Variants in HEATR4 observed in about 807,000 individuals in gnomAD.
The protein encoded by HEATR4 is HEAT repeat-containing protein 4.
HEATR4 carries 95 observed loss-of-function variants against 108.8 expected under a neutral mutation model. The ratio of observed to expected loss-of-function variants is 0.87; its 90% confidence interval spans 0.74 to 1.04. HEATR4 has a LOEUF of 1.04. Among genes scored for constraint, HEATR4 ranks in the 50% least tolerant of loss-of-function variants. The pLI is 0.00. For synonymous variants in HEATR4, 443 were observed against 459.4 expected (o/e 0.96, Z 0.46); for missense variants, 1,152 against 1,253.8 (o/e 0.92, Z 1.23).
chr14:73,509,810 CCATATATATATATA>C (rs71112761), intron 7 of HEATR4, among the ~76,000 whole-genome samples: 892 of 63,142 alleles, frequency 0.014, 129 homozygotes, highest in East Asian at 0.026. Flanking sequence ...CCCCATGAGC[CCATATATATATATA>C]TATATATATA....
At chr14:73,580,783 A>C in the HEATR4 span, 1 of 152,062 alleles carries the variant, frequency 6.6e-6, no homozygotes, top group Non-Finnish European at 1.5e-5. Flanking sequence ...TGCATAAGGC[A>C]CAGAAGCACA....
chr14:73,595,146 C>T, the HEATR4 span: 1 of 1,614,202 alleles, frequency 6.2e-7, no homozygotes, highest in South Asian at 1.1e-5. Context: ...GCCACAGTTT[C>T]CATCAATGGA....
rs1021362063 is a variant in HEATR4, at chr14:73,495,447, T to A, written c.2626-60A>T. On this transcript the variant is annotated intron_variant, in intron 15 of 17. Transcript: ENST00000553558. Reference sequence around the variant, plus strand: ...CAAAACACCTGTACTAGGCAGCAAATTATCAAAAAACATTAATAAAGTGAT... The same window carrying A: ...CAAAACACCTGTACTAGGCAGCAAAATATCAAAAAACATTAATAAAGTGAT... 4.3e-6 allele frequency: 6 copies of A among 1,397,052 alleles called. No individual in the cohort carries two copies. In the African/African-American group the frequency reaches 4.3e-5, roughly 10 times the overall value. The allele number at this position is 1,397,052 out of a possible 1,614,324, so 86.5% of individuals were successfully genotyped here. A position where few individuals can be genotyped will look rare whatever the true frequency, so the allele number is the denominator to read the frequency against.
rs180891657 is a variant in HEATR4, at chr14:73,510,448, T to G, written c.1559-975A>C. Among the ~76,000 whole-genome samples, 296 of 141,086 alleles carry G rather than the reference T, an allele frequency of 2.1e-3. 1 individual carries two copies. The highest frequency in any genetic ancestry group is 3.9e-3 in the Non-Finnish European group (237 of 60,158). The allele number at this position is 141,086 out of a possible 152,430, so 92.6% of individuals were successfully genotyped here. A position where few individuals can be genotyped will look rare whatever the true frequency, so the allele number is the denominator to read the frequency against. On this transcript the variant is annotated intron_variant, in intron 7 of 17. Transcript: ENST00000553558. The stretch of plus-strand genomic sequence containing the variant: ...TTTTTTTGTTTTTGTTTTTGTTTTT[T>G]TTTTGAGATAGAGTTTTTGCTCTGT...
chr14:73,520,564 G>C (rs1380556430), intron 4 of HEATR4: 1 of 305,586 alleles, frequency 3.3e-6, no homozygotes, highest in Non-Finnish European at 6.0e-6. Flanking sequence ...ATAGAGAAGA[G>C]ATGGATTGTT....
the HEATR4 span, chr14:73,582,540 T>C: frequency 6.6e-6 from 1 of 151,652 alleles, no homozygotes; most frequent in Non-Finnish European, 1.5e-5. Context: ...CATTAGGGAA[T>C]TTCCCCCATA....
chr14:73,575,582 G>A, the HEATR4 span: 2 of 1,555,634 alleles, frequency 1.3e-6, no homozygotes, highest in Non-Finnish European at 1.7e-6. Context: ...TTTAGTGTGT[G>A]TATGTGTATT....
chr14:73,487,690 G>A (rs1885504602), intron 17 of HEATR4, among the ~76,000 whole-genome samples: 1 of 152,184 alleles, frequency 6.6e-6, no homozygotes, highest in Non-Finnish European at 1.5e-5. Flanking sequence ...TCTTTTCCTT[G>A]AATTTTAGGA....
At chr14:73,589,529 G>C in the HEATR4 span, among the ~76,000 whole-genome samples, 3 of 152,128 alleles carry the variant, frequency 2.0e-5, no homozygotes, top group East Asian at 5.8e-4. Context: ...ATGTTGGACA[G>C]GCTCGTCTAG....
chr14:73,569,165 C>G, the HEATR4 span: 3 of 1,552,344 alleles, frequency 1.9e-6, no homozygotes, highest in East Asian at 4.5e-5. Flanking sequence ...ATCGGCTGGA[C>G]TCTGGCCTTC....
chr14:73,542,403 C>CTTTCT lies in HEATR4; in HGVS notation c.-151-12160_-151-12159insAGAAA, dbSNP rs1465680736. On this transcript the variant is annotated intron_variant, in intron 1 of 17. Transcript: ENST00000553558. ...TTAAATTCCAGTATGTTTTTTCTTT[C>CTTTCT]TTTTTTTTTTTTTTTTTTTAAGACG... Among the ~76,000 whole-genome samples the CTTTCT allele has an allele frequency of 4.8e-5, 4 of 83,492 alleles. 1 individual carries two copies. The highest frequency in any genetic ancestry group is 1.6e-4 in the African/African-American group (4 of 24,598). The allele number at this position is 83,492 out of a possible 152,430, so 54.8% of individuals were successfully genotyped here. A position where few individuals can be genotyped will look rare whatever the true frequency, so the allele number is the denominator to read the frequency against.
chr14:73,570,283 G>T, the HEATR4 span, among the ~76,000 whole-genome samples: 2 of 151,716 alleles, frequency 1.3e-5, no homozygotes, highest in African/African-American at 2.4e-5. Context: ...AAAAGACATT[G>T]TAAGGGCCAG....
chr14:73,596,501 G>GA, the HEATR4 span: 11 of 150,010 alleles, frequency 7.3e-5, no homozygotes, highest in East Asian at 3.9e-4. Context: ...CGTTTCAAAA[G>GA]AAAAAAAAAG....
the HEATR4 span, among the ~76,000 whole-genome samples, chr14:73,578,472 G>A: frequency 1.3e-5 from 2 of 151,976 alleles, no homozygotes; most frequent in East Asian, 3.9e-4. Context: ...CAAGCAGTCT[G>A]TCCATCTTGG....
chr14:73,509,278 A>C (rs970228832), intron 8 of HEATR4, 34 bp downstream of exon 8: 1 of 1,601,942 alleles, frequency 6.2e-7, no homozygotes, highest in African/African-American at 1.3e-5. Flanking sequence ...TCTATCCCAT[A>C]TTTCCAGGTC....
chr14:73,615,735 AC>A, the HEATR4 span, among the ~76,000 whole-genome samples: 391 of 12,150 alleles, frequency 0.032, 3 homozygotes, highest in African/African-American at 0.15. Context: ...CCTTGTCTCA[AC>A]AAACAAACAA....
chr14:73,601,629 G>A, the HEATR4 span, among the ~76,000 whole-genome samples: 13 of 152,172 alleles, frequency 8.5e-5, no homozygotes, highest in Admixed American at 7.9e-4. Context: ...GGATCATTTT[G>A]TCTTTTCCAT....
At chr14:73,612,544 G>A in the HEATR4 span, 1 of 1,276,718 alleles carries the variant, frequency 7.8e-7, no homozygotes. Context: ...CCGCGGAGCT[G>A]GGTCGCCCCT....
At chr14:73,590,128 C>T in the HEATR4 span, among the ~76,000 whole-genome samples, 1 of 152,160 alleles carries the variant, frequency 6.6e-6, no homozygotes, top group Non-Finnish European at 1.5e-5. Context: ...CTCTGGCAGC[C>T]TGCTTTTATT....
Sources: gnomAD v4.1 joint callset for allele counts (sites outside exome capture counted in the v4.1 genomes callset) on GRCh38, gnomAD v4.1.1 for gene constraint, MANE v1.5 for transcripts, NCBI Gene and HGNC (gene_info 2026-07-23, HGNC 2026-07-21) for gene names.